HOATZ: variants seen among roughly 807,000 people sequenced by gnomAD.
The protein encoded by HOATZ is cilia- and flagella-associated protein HOATZ.
In HOATZ, 26 loss-of-function variants were observed where a neutral mutation model predicts 24.9. That is an observed-to-expected ratio of 1.04 (90% CI 0.76 to 1.45). The LOEUF (loss-of-function observed/expected upper bound fraction) is 1.45, where lower values mean the gene tolerates loss of function less well. Among genes scored for constraint, HOATZ ranks in the 40% most tolerant of loss-of-function variants. The pLI is 0.00. For synonymous variants in HOATZ, 83 were observed against 76.6 expected (o/e 1.08, Z -0.43); for missense variants, 226 against 201.5 (o/e 1.12, Z -0.74).
chr11:111,534,058 T>C (rs1867422353), intron 4 of HOATZ, among the ~76,000 whole-genome samples: 1 of 152,246 alleles, frequency 6.6e-6, no homozygotes, highest in African/African-American at 2.4e-5. Context: ...ACTGTTCACA[T>C]ATTATAAAGC....
chr11:111,532,129 C>T (rs966608417), intron 3 of HOATZ, among the ~76,000 whole-genome samples: 1 of 152,148 alleles, frequency 6.6e-6, no homozygotes, highest in East Asian at 1.9e-4. Context: ...AATTAAGGGT[C>T]CTTGATCTTC....
intron 3 of HOATZ, among the ~76,000 whole-genome samples, chr11:111,527,622 G>A (rs1867353403): frequency 6.6e-6 from 1 of 152,176 alleles, no homozygotes; most frequent in Admixed American, 6.5e-5. Context: ...GTCTTTTAAA[G>A]TGCATAGTAG....
chr11:111,529,602 T>A (rs1356888905), intron 3 of HOATZ, among the ~76,000 whole-genome samples: 1 of 152,090 alleles, frequency 6.6e-6, no homozygotes, highest in Non-Finnish European at 1.5e-5. Flanking sequence ...GACCTCATGA[T>A]CCTCTTGCCT....
At chr11:111,515,303 T>C (rs1363445057) in intron 1 of HOATZ, among the ~76,000 whole-genome samples, 1 of 152,138 alleles carries the variant, frequency 6.6e-6, no homozygotes. Context: ...GAAAGGATAG[T>C]TTACATAGTT....
At chr11:111,531,900 G>A (rs560182296) in intron 3 of HOATZ, among the ~76,000 whole-genome samples, 45 of 152,260 alleles carry the variant, frequency 3.0e-4, no homozygotes, top group Admixed American at 1.6e-3. Flanking sequence ...TTTAGCAGAT[G>A]AGCCATCAGG....
intron 3 of HOATZ, among the ~76,000 whole-genome samples, chr11:111,527,920 A>G (rs1867356443): frequency 6.6e-6 from 1 of 152,262 alleles, no homozygotes. Context: ...CATTTGTAAC[A>G]TAAAAATGAA....
At chr11:111,521,022 T>G (rs1284908505) in intron 3 of HOATZ, among the ~76,000 whole-genome samples, 2 of 152,208 alleles carry the variant, frequency 1.3e-5, no homozygotes, top group Non-Finnish European at 2.9e-5. Flanking sequence ...AGGCAACCAT[T>G]GAGGGTCTTG....
chr11:111,533,978 A>G (rs1251146740), intron 4 of HOATZ, among the ~76,000 whole-genome samples, 173 bp downstream of exon 4: 1 of 152,232 alleles, frequency 6.6e-6, no homozygotes, highest in Non-Finnish European at 1.5e-5. Flanking sequence ...ACCCTTGATC[A>G]ATCAAAGCTA....
At chr11:111,520,126 T>G (rs982024717) in intron 3 of HOATZ, among the ~76,000 whole-genome samples, 1 of 152,234 alleles carries the variant, frequency 6.6e-6, no homozygotes. Context: ...AGCCCTACAC[T>G]GGACCATCAT....
chr11:111,517,441 A>C (rs1867218511), intron 3 of HOATZ, among the ~76,000 whole-genome samples: 1 of 152,208 alleles, frequency 6.6e-6, no homozygotes, highest in Non-Finnish European at 1.5e-5. Flanking sequence ...GTGAATTACC[A>C]GTGGAGGTTA....
intron 3 of HOATZ, among the ~76,000 whole-genome samples, chr11:111,523,451 GA>G (rs1867294709): frequency 6.6e-6 from 1 of 152,140 alleles, no homozygotes; most frequent in Non-Finnish European, 1.5e-5. Context: ...TTCTATTGAT[GA>G]AGCATTATGA....
At chr11:111,520,883 T>C (rs1357369645) in intron 3 of HOATZ, among the ~76,000 whole-genome samples, 2 of 152,238 alleles carry the variant, frequency 1.3e-5, no homozygotes, top group Admixed American at 1.3e-4. Context: ...TATATTGTTA[T>C]GTGCTCTATT....
At position 111,516,036 on chromosome 11, in the gene HOATZ, C is replaced by T. The variant is rs191558518; in HGVS notation, c.269-4C>T. On this transcript the variant is annotated splice_polypyrimidine_tract_variant and splice_region_variant and intron_variant, in intron 2 of 5. Transcript: ENST00000375618. ...CAGATTGAATTTGACTTTATTCCCT[C>T]TAGAAAATAGAGACATCTTTGCCGA... is the stretch of plus-strand genomic sequence containing the variant. The T allele has an allele frequency of 2.6e-6, 4 of 1,550,700 alleles. No individual in the cohort carries two copies. In the South Asian group the frequency reaches 4.8e-5, roughly 19 times the overall value.
In HOATZ at chr11:111,514,981, T is replaced by C. The variant is rs1591552862; in HGVS notation, c.197T>C (p.Val66Ala). The change falls in exon 1 of 6, where the codon GTG (valine) becomes GCG (alanine). Residue 66 changes from valine (V) to alanine (A), a missense_variant. Val to Ala is a moderately conservative substitution (Grantham distance 64, BLOSUM62 0). Coordinates refer to ENST00000375618, the MANE Select transcript of HOATZ (RefSeq NM_001100388.2). The part of the protein sequence containing the change: ...LRRDSSQRLP[V>A]ARPRRSRGSE... ...AGAGACAGCAGTCAGCGTCTGCCGG[T>C]GGCGCGGCCCAGGAGGAGCAGAGGG... The C allele has an allele frequency of 3.1e-6, 5 of 1,613,470 alleles. No individual in the cohort carries two copies. In the African/African-American group the frequency reaches 4.0e-5, roughly 13 times the overall value.
intron 5 of HOATZ, 194 bp downstream of exon 5, chr11:111,534,658 G>A (rs1305700046): frequency 6.9e-6 from 4 of 580,512 alleles, no homozygotes; most frequent in Non-Finnish European, 1.3e-5. Flanking sequence ...TCTGTCTGTG[G>A]AATATGCAAG....
At chr11:111,518,332 C>G (rs1477450149) in intron 3 of HOATZ, among the ~76,000 whole-genome samples, 1 of 151,882 alleles carries the variant, frequency 6.6e-6, no homozygotes. Context: ...TTGAACAATG[C>G]CAAAATACAA....
At chr11:111,529,323 T>C (rs1867371146) in intron 3 of HOATZ, among the ~76,000 whole-genome samples, 1 of 152,192 alleles carries the variant, frequency 6.6e-6, no homozygotes, top group South Asian at 2.1e-4. Context: ...GAAGATTGGC[T>C]TGCTCATAGT....
Position 111,534,456 on chromosome 11 carries a change from C to A in HOATZ, c.444C>A (p.His148Gln). The change falls in exon 5 of 6, where the codon CAC becomes CAA. Residue 148 changes from histidine to glutamine, a missense_variant. By Grantham distance (24) the His-to-Gln change is conservative (BLOSUM62 0). Transcript: ENST00000375618. ...SLPYKPKAKEHKAKKVVSESD... is the reference protein window; with the variant it reads ...SLPYKPKAKEQKAKKVVSESD... Reference sequence around the variant, plus strand: ...CGTATAAACCAAAAGCCAAAGAACACAAAGCAAAGTAAGTTTACCTATGTC... The same window carrying A: ...CGTATAAACCAAAAGCCAAAGAACAAAAAGCAAAGTAAGTTTACCTATGTC... 6.2e-7 allele frequency: 1 copy of A among 1,608,786 alleles called. No homozygotes were observed. The highest frequency in any genetic ancestry group is 8.5e-7 in the Non-Finnish European group (1 of 1,175,266).
At chr11:111,519,153 AT>A (rs1381109048) in intron 3 of HOATZ, 4 of 383,936 alleles carry the variant, frequency 1.0e-5, no homozygotes, top group Non-Finnish European at 5.1e-6. Context: ...AAGAGAAATG[AT>A]TTTTTTTAAT....
Sources: gnomAD v4.1 joint callset for allele counts (sites outside exome capture counted in the v4.1 genomes callset) on GRCh38, gnomAD v4.1.1 for gene constraint, MANE v1.5 for transcripts, NCBI Gene and HGNC (gene_info 2026-07-23, HGNC 2026-07-21) for gene names.